The following GADL1 variants were observed in gnomAD, a reference collection of about 807,000 sequenced individuals.
GADL1 encodes the protein acidic amino acid decarboxylase GADL1.
In GADL1, 71 loss-of-function variants were observed where a neutral mutation model predicts 69.5. The ratio of observed to expected loss-of-function variants is 1.02; its 90% CI spans 0.84 to 1.25. The LOEUF is 1.25. Among genes scored for constraint, GADL1 ranks in the 50% most tolerant of loss-of-function variants. The probability of loss-of-function intolerance (pLI) is 0.00; values close to 1 mark genes in which losing one functional copy is unlikely to be tolerated. For missense variants in GADL1, 737 were observed against 631.8 expected, an observed-to-expected ratio of 1.17 and a Z score of -1.79; for synonymous variants, 254 against 214.4, an observed-to-expected ratio of 1.18 and a Z score of -1.62.
chr3:30,742,559 G>T, intron 14 of GADL1, among the ~76,000 whole-genome samples: 1 of 151,858 alleles, frequency 6.6e-6, no homozygotes, highest in East Asian at 1.9e-4. Context: ...AATTTAAAAT[G>T]AACATATTTG....
At chr3:30,856,073 T>G (rs1261572148) in intron 3 of GADL1, among the ~76,000 whole-genome samples, 2 of 152,082 alleles carry the variant, frequency 1.3e-5, no homozygotes, top group African/African-American at 2.4e-5. Flanking sequence ...TTCTGCACTT[T>G]TGACATGCAC....
At chr3:30,883,894 A>G (rs1698673672) in intron 1 of GADL1, among the ~76,000 whole-genome samples, 1 of 151,958 alleles carries the variant, frequency 6.6e-6, no homozygotes, top group Non-Finnish European at 1.5e-5. Context: ...ATGCTATTGT[A>G]AATATTTTAA....
chr3:30,785,384 T>TTTTACA (rs66709845), intron 13 of GADL1, among the ~76,000 whole-genome samples: 1 of 115,312 alleles, frequency 8.7e-6, no homozygotes, highest in African/African-American at 7.7e-5. Context: ...TTCTTTTTCT[T>TTTTACA]TTTTTTTTTT....
chr3:30,799,329 C>T (rs556106845), intron 12 of GADL1: 3 of 152,370 alleles, frequency 2.0e-5, no homozygotes, highest in South Asian at 2.1e-4. Flanking sequence ...ACATGCTCAA[C>T]ACCACATGGA....
At chr3:30,751,146 T>C (rs1447084422) in intron 14 of GADL1, among the ~76,000 whole-genome samples, 5 of 150,794 alleles carry the variant, frequency 3.3e-5, no homozygotes, top group Admixed American at 1.3e-4. Context: ...TCCTCGCTCC[T>C]GTGATAACAA....
intron 6 of GADL1, 25 bp from the exon 7 acceptor site, chr3:30,844,491 AG>A: frequency 6.9e-7 from 1 of 1,443,444 alleles, no homozygotes; most frequent in Non-Finnish European, 9.8e-7. Flanking sequence ...ACAGTGGGGA[AG>A]GGGGAGACAT....
intron 1 of GADL1, among the ~76,000 whole-genome samples, chr3:30,890,126 AT>A (rs1365587734): frequency 6.6e-6 from 1 of 152,212 alleles, no homozygotes. Context: ...ATGGTTACTA[AT>A]TTTTACTATT....
intron 14 of GADL1, among the ~76,000 whole-genome samples, chr3:30,742,365 TA>T (rs1038164157): frequency 6.6e-5 from 10 of 151,964 alleles, no homozygotes; most frequent in East Asian, 1.9e-4. Context: ...TTATTTAATA[TA>T]TTTTTTTTAT....
At chr3:30,890,566 G>T (rs1003043151) in intron 1 of GADL1, among the ~76,000 whole-genome samples, 1 of 152,124 alleles carries the variant, frequency 6.6e-6, no homozygotes, top group Non-Finnish European at 1.5e-5. Context: ...GAATCACCTG[G>T]ACTCTTAATT....
chr3:30,801,127 G>C, intron 11 of GADL1, 39 bp from the exon 12 acceptor site: 1 of 1,498,122 alleles, frequency 6.7e-7, no homozygotes, highest in South Asian at 1.1e-5. Flanking sequence ...TTAAACTTTA[G>C]AATATAACTT....
chr3:30,789,380 A>T (rs1696866829), intron 12 of GADL1, among the ~76,000 whole-genome samples: 1 of 152,218 alleles, frequency 6.6e-6, no homozygotes, highest in African/African-American at 2.4e-5. Context: ...CCATAAAGAG[A>T]TGTGCTGTCA....
intron 6 of GADL1, among the ~76,000 whole-genome samples, chr3:30,846,388 C>T (rs1186109598): frequency 5.9e-5 from 9 of 152,124 alleles, no homozygotes; most frequent in Admixed American, 5.9e-4. Flanking sequence ...TGAAAGAGAG[C>T]ATTGAGCTGG....
At chr3:30,757,378 G>GATC (rs1696000422) in intron 14 of GADL1, among the ~76,000 whole-genome samples, 1 of 152,128 alleles carries the variant, frequency 6.6e-6, no homozygotes, top group Non-Finnish European at 1.5e-5. Context: ...TCAGAGGCTA[G>GATC]ATCATCAGAA....
intron 14 of GADL1, among the ~76,000 whole-genome samples, chr3:30,733,416 C>T (rs1695494407): frequency 6.6e-6 from 1 of 152,116 alleles, no homozygotes; most frequent in South Asian, 2.1e-4. Flanking sequence ...ATGTGTCCCA[C>T]TTTCTATGTC....
At chr3:30,761,773 C>G (rs1245794326) in intron 14 of GADL1, among the ~76,000 whole-genome samples, 1 of 152,056 alleles carries the variant, frequency 6.6e-6, no homozygotes, top group African/African-American at 2.4e-5. Flanking sequence ...CTTTTTCTAC[C>G]TTATCACTAG....
chr3:30,879,541 T>G (rs1698617137), intron 1 of GADL1, among the ~76,000 whole-genome samples: 1 of 151,898 alleles, frequency 6.6e-6, no homozygotes, highest in South Asian at 2.1e-4. Context: ...AAGGCCTATG[T>G]TGTTGCTTAC....
At chr3:30,887,209 C>T (rs1559369557) in intron 1 of GADL1, among the ~76,000 whole-genome samples, 1 of 152,088 alleles carries the variant, frequency 6.6e-6, no homozygotes, top group Non-Finnish European at 1.5e-5. Flanking sequence ...GGAGGACACA[C>T]TAGGGTTGTA....
At chr3:30,884,420 G>T (rs1337998077) in intron 1 of GADL1, among the ~76,000 whole-genome samples, 2 of 152,030 alleles carry the variant, frequency 1.3e-5, no homozygotes, top group South Asian at 2.1e-4. Flanking sequence ...TAAAGAGGTG[G>T]TGGCAACAGA....
intron 1 of GADL1, among the ~76,000 whole-genome samples, chr3:30,891,874 A>T (rs1042222264): frequency 1.3e-5 from 2 of 152,122 alleles, no homozygotes; most frequent in African/African-American, 4.8e-5. Context: ...AAAAAAATAC[A>T]GAAATTTTGG....
Sources: allele counts gnomAD v4.1 joint callset (sites outside exome capture counted in the v4.1 genomes callset), GRCh38; gene constraint gnomAD v4.1.1; transcripts MANE v1.5; gene names NCBI Gene and HGNC (gene_info 2026-07-23, HGNC 2026-07-21).